ZNF568: variants seen among roughly 807,000 people sequenced by gnomAD.
The protein encoded by ZNF568 is p53 inhibitor of SCO2 activation.
A neutral mutation model predicts 18.1 loss-of-function variants in ZNF568; 11 were observed. The observed-to-expected ratio is 0.61, with a 90% CI of 0.38 to 1.00. The LOEUF is 1.00. ZNF568 is among the 50% of genes least tolerant of loss of function. The pLI, the probability that ZNF568 is intolerant of heterozygous loss-of-function variation, is 0.01. For synonymous variants in ZNF568, 213 were observed against 246.6 expected, an observed-to-expected ratio of 0.86 and a Z score of 1.28; for missense variants, 639 against 768.2, an observed-to-expected ratio of 0.83 and a Z score of 1.99.
intron 6 of ZNF568, among the ~76,000 whole-genome samples, chr19:36,961,461 T>TA (rs568299001): frequency 2.0e-4 from 30 of 150,454 alleles, no homozygotes; most frequent in East Asian, 1.9e-3. Flanking sequence ...GGGATCTTTT[T>TA]AAAAAAAAAA....
At chr19:36,954,038 A>G (rs2074089269), downstream of ZNF568, among the ~76,000 whole-genome samples, 1 of 152,186 alleles carries the variant, frequency 6.6e-6, no homozygotes, top group African/African-American at 2.4e-5. Flanking sequence ...AGCCTGGCCA[A>G]TATGGTGAAA....
intron 4 of ZNF568, among the ~76,000 whole-genome samples, chr19:36,992,053 C>T (rs1327647101): frequency 8.6e-5 from 13 of 151,854 alleles, no homozygotes; most frequent in Admixed American, 8.5e-4. Context: ...CCAGCCTGAC[C>T]AACATGGTGA....
At chr19:36,929,703 AT>A (rs2073649641) in intron 4 of ZNF568, among the ~76,000 whole-genome samples, 1 of 135,078 alleles carries the variant, frequency 7.4e-6, no homozygotes, top group Non-Finnish European at 1.6e-5. Context: ...AAAAAAAAAA[AT>A]TAGCTAGGTT....
At chr19:36,977,427 G>C (rs1463025841) in intron 7 of ZNF568, among the ~76,000 whole-genome samples, 3 of 135,138 alleles carry the variant, frequency 2.2e-5, no homozygotes, top group Non-Finnish European at 4.8e-5. Flanking sequence ...GTTTTGTTTT[G>C]TTTTTTGTCC....
chr19:36,919,508 A>G (rs765423839), intron 2 of ZNF568, among the ~76,000 whole-genome samples: 2 of 152,096 alleles, frequency 1.3e-5, no homozygotes, highest in African/African-American at 4.8e-5. Flanking sequence ...TTAGATTCCT[A>G]TAAGGAGCAA....
At chr19:36,954,768 G>A (rs2074095016), downstream of ZNF568, among the ~76,000 whole-genome samples, 1 of 150,758 alleles carries the variant, frequency 6.6e-6, no homozygotes, top group Non-Finnish European at 1.5e-5. Flanking sequence ...AATGGAGCTG[G>A]GGTTTCACCA....
downstream of ZNF568, among the ~76,000 whole-genome samples, chr19:36,953,683 G>A (rs769786594): frequency 1.3e-5 from 2 of 152,094 alleles, no homozygotes; most frequent in Non-Finnish European, 2.9e-5. Context: ...AGGCCGAGGC[G>A]GGTGGATCAC....
At chr19:36,949,485 GTAA>G in intron 6 of ZNF568, 24 bp from the exon 7 acceptor site, 1 of 1,534,236 alleles carries the variant, frequency 6.5e-7, no homozygotes, top group Non-Finnish European at 8.7e-7. Flanking sequence ...TAATTCACAA[GTAA>G]TAATTTCTGG....
At chr19:36,996,599 A>G in exon 5 of ZNF568, 1 of 1,535,836 alleles carries the variant, frequency 6.5e-7, no homozygotes, top group Non-Finnish European at 8.7e-7. Flanking sequence ...CCTATTCAAC[A>G]TGAAATAATT....
chr19:36,997,597 T>C (rs1667366), downstream of ZNF568: 818,788 of 1,549,972 alleles, frequency 0.53, 219,692 homozygotes, highest in African/African-American at 0.62. Context: ...AGAACTTAGT[T>C]GACACCAGAA....
chr19:36,978,096 A>T (rs1309539290), intron 7 of ZNF568, among the ~76,000 whole-genome samples: 1 of 152,206 alleles, frequency 6.6e-6, no homozygotes, highest in Non-Finnish European at 1.5e-5. Context: ...CCCTGGCTCC[A>T]CTTTTACTCT....
intron 6 of ZNF568, among the ~76,000 whole-genome samples, chr19:36,969,312 TC>T (rs1473691321): frequency 1.3e-5 from 2 of 152,312 alleles, no homozygotes; most frequent in East Asian, 3.9e-4. Context: ...AAGAACCAGT[TC>T]TCTGATTCGT....
In ZNF568 at chr19:36,950,071, T is replaced by C. The variant is rs371788281; in HGVS notation, c.918T>C (p.Tyr306=). ...GAATTCATACTGGGGAGAAACCTTATGCATGTAAGGATTGTTGGAAAGCCT... is the reference window on the plus strand; with the variant it reads ...GAATTCATACTGGGGAGAAACCTTACGCATGTAAGGATTGTTGGAAAGCCT... The part of the protein sequence containing the change: ...HHRIHTGEKP[Y]ACKDCWKAFS... The change falls in exon 7 of 7, where the codon TAT becomes TAC. Residue 306 remains tyrosine, a synonymous_variant. Coordinates refer to ENST00000333987, the MANE Select transcript of ZNF568 (RefSeq NM_198539.4). 4.1e-4 allele frequency: 667 copies of C among 1,613,730 alleles called. No individual in the cohort carries two copies. Among genetic ancestry groups the C allele is most frequent in the Non-Finnish European group, 5.3e-4 (622 of 1,179,904 alleles).
At chr19:36,973,266 G>A (rs982866083) in intron 6 of ZNF568, 2 of 152,810 alleles carry the variant, frequency 1.3e-5, no homozygotes, top group Non-Finnish European at 2.9e-5. Context: ...GCTGGGTTGG[G>A]ATGGACTCGT....
At chr19:36,975,155 T>TC (rs1555738262) in intron 7 of ZNF568, among the ~76,000 whole-genome samples, 32 of 139,504 alleles carry the variant, frequency 2.3e-4, no homozygotes, top group East Asian at 8.2e-4. Context: ...TTTCTTTCTT[T>TC]TTTTTTTTTT....
intron 6 of ZNF568, among the ~76,000 whole-genome samples, chr19:36,965,979 C>T (rs531314017): frequency 7.9e-5 from 12 of 151,724 alleles, no homozygotes; most frequent in Admixed American, 7.2e-4. Context: ...GGATTACAGG[C>T]GTGAGCCATA....
At chr19:36,963,553 C>T (rs544149947) in intron 6 of ZNF568, among the ~76,000 whole-genome samples, 19 of 152,234 alleles carry the variant, frequency 1.2e-4, no homozygotes, top group Admixed American at 9.2e-4. Flanking sequence ...ATATGAACAG[C>T]GTTTTATGAA....
chr19:36,937,236 TG>T lies in ZNF568; in HGVS notation c.353del (p.Cys118PhefsTer19). 6.2e-7 allele frequency: 1 copy of T among 1,613,444 alleles called. No individual in the cohort carries two copies. ...VMEEEMFGRH[C>X]PEVWEVDEQI... is the part of the protein sequence containing the mutation. ...GGAGGAAGAAATGTTTGGGAGGCACTGTCCAGGTGAATAAGTGAAAAGCAGC... is the reference window on the plus strand; with the variant it reads ...GGAGGAAGAAATGTTTGGGAGGCACTTCCAGGTGAATAAGTGAAAAGCAGC... On this transcript the variant is annotated frameshift_variant, in exon 6 of 7. Coordinates refer to ENST00000333987, the MANE Select transcript of ZNF568 (RefSeq NM_198539.4). LOFTEE classifies it low-confidence loss of function (END_TRUNC).
chr19:36,991,788 G>A (rs933612116), exon 4 of ZNF568: 1 of 1,581,242 alleles, frequency 6.3e-7, no homozygotes, highest in Non-Finnish European at 8.5e-7. Context: ...TCTCCTTATT[G>A]GAGCAGAAGA....
Sources: gnomAD v4.1 joint callset for allele counts (sites outside exome capture counted in the v4.1 genomes callset) on GRCh38, gnomAD v4.1.1 for gene constraint, MANE v1.5 for transcripts, NCBI Gene and HGNC (gene_info 2026-07-23, HGNC 2026-07-21) for gene names.